The following DNM3 variants were observed in gnomAD, a reference collection of about 807,000 sequenced individuals.
DNM3 encodes dynamin-3.
DNM3 carries 47 observed loss-of-function variants against 101.6 expected under a neutral mutation model. That is an observed-to-expected ratio of 0.46 (90% confidence interval 0.37 to 0.59). DNM3 has a LOEUF of 0.59. Ranked by LOEUF, DNM3 falls within the 20% of genes least tolerant of loss-of-function variation. The pLI is 0.00. For synonymous variants in DNM3, 385 were observed against 387.9 expected, an observed-to-expected ratio of 0.99 and a Z score of 0.09; for missense variants, 849 against 1,085.7, an observed-to-expected ratio of 0.78 and a Z score of 3.06.
rs183058013 is a variant in DNM3, at chr1:172,186,167, G to A, written c.1659+54879G>A. ...GACAGAACATCTTTTGGGTGCTTAG[G>A]GACCAAAAGGGAGTGAGGACTTCAG... On this transcript the variant is annotated intron_variant, in intron 14 of 20. Transcript: ENST00000627582. Among the ~76,000 whole-genome samples, 227 of 152,142 alleles carry A rather than the reference G, an allele frequency of 1.5e-3. 2 individuals carry two copies. In the Middle Eastern group the frequency reaches 0.02, roughly 14 times the overall value.
chr1:172,257,403 T>A (rs1557891250), intron 15 of DNM3, among the ~76,000 whole-genome samples: 1 of 152,262 alleles, frequency 6.6e-6, no homozygotes, highest in East Asian at 1.9e-4. Context: ...GCCTGCCAAT[T>A]TTTGCTTGAG....
At chr1:172,212,632 C>T (rs542399524) in intron 14 of DNM3, among the ~76,000 whole-genome samples, 4 of 152,252 alleles carry the variant, frequency 2.6e-5, no homozygotes, top group Non-Finnish European at 5.9e-5. Context: ...CCAAACCTTT[C>T]GCTTTGTATT....
intron 10 of DNM3, among the ~76,000 whole-genome samples, chr1:172,049,936 A>C (rs2050089448): frequency 6.6e-6 from 1 of 152,128 alleles, no homozygotes; most frequent in Admixed American, 6.5e-5. Context: ...AAAGCAGTAA[A>C]TGGAACTAGC....
At chr1:172,326,179 T>A (rs527390596) in intron 17 of DNM3, among the ~76,000 whole-genome samples, 2 of 152,310 alleles carry the variant, frequency 1.3e-5, no homozygotes, top group South Asian at 4.1e-4. Context: ...CACAATCATA[T>A]GTATGTTGTT....
At chr1:171,989,800 C>A (rs1299866819) in intron 4 of DNM3, among the ~76,000 whole-genome samples, 1 of 152,138 alleles carries the variant, frequency 6.6e-6, no homozygotes, top group Non-Finnish European at 1.5e-5. Context: ...TGTGGAAGGG[C>A]ATTCAATGAT....
intron 14 of DNM3, among the ~76,000 whole-genome samples, chr1:172,181,264 C>CA (rs1172432245): frequency 6.6e-6 from 1 of 152,030 alleles, no homozygotes; most frequent in Non-Finnish European, 1.5e-5. Context: ...AATCTGTTGA[C>CA]ACGCCCTTCA....
intron 1 of DNM3, among the ~76,000 whole-genome samples, chr1:171,883,089 A>G (rs887263444): frequency 1.3e-5 from 2 of 151,830 alleles, no homozygotes; most frequent in Non-Finnish European, 2.9e-5. Context: ...GTATTTTTCC[A>G]TCTCATTAAA....
In DNM3 at chr1:172,388,829, T is replaced by C. The variant is rs1225673770; in HGVS notation, c.2522+20T>C. 4 of 1,542,388 alleles carry C rather than the reference T, an allele frequency of 2.6e-6. No individual in the cohort carries two copies. The highest frequency in any genetic ancestry group is 1.7e-4 in the Middle Eastern group (1 of 5,964). Reference sequence around the variant, plus strand: ...CCCAAGGTAAGGCATGGAGCAGAAATTGGGGGGGTAGTGCGCCTTGGTTCT... The same window carrying C: ...CCCAAGGTAAGGCATGGAGCAGAAACTGGGGGGGTAGTGCGCCTTGGTTCT... On this transcript the variant is annotated intron_variant, in intron 20 of 20. Transcript: ENST00000627582.
intron 14 of DNM3, among the ~76,000 whole-genome samples, chr1:172,135,842 C>T (rs1203681432): frequency 6.6e-6 from 1 of 151,332 alleles, no homozygotes; most frequent in East Asian, 1.9e-4. Flanking sequence ...GAGAAAAGAG[C>T]CTTATTTTTC....
At chr1:172,214,801 G>A (rs1193722118) in intron 14 of DNM3, among the ~76,000 whole-genome samples, 1 of 152,018 alleles carries the variant, frequency 6.6e-6, no homozygotes, top group African/African-American at 2.4e-5. Context: ...CTGAGAGAAT[G>A]AGAAAATACC....
chr1:172,090,085 T>C (rs1327519388), intron 12 of DNM3, among the ~76,000 whole-genome samples: 1 of 152,212 alleles, frequency 6.6e-6, no homozygotes, highest in African/African-American at 2.4e-5. Flanking sequence ...TGAAGGGGAC[T>C]GATACATAAT....
chr1:172,219,503 G>A (rs192230102), intron 14 of DNM3, among the ~76,000 whole-genome samples: 3 of 151,622 alleles, frequency 2.0e-5, no homozygotes, highest in Admixed American at 6.6e-5. Flanking sequence ...TATATACAGA[G>A]AAGACAGTGA....
intron 1 of DNM3, among the ~76,000 whole-genome samples, chr1:171,853,870 A>C (rs536581035): frequency 1.1e-3 from 170 of 152,150 alleles, no homozygotes; most frequent in African/African-American, 3.9e-3. Flanking sequence ...CCCCTTTAAA[A>C]ATCTCTACTT....
At chr1:172,273,234 G>A (rs2063150993) in intron 15 of DNM3, among the ~76,000 whole-genome samples, 1 of 151,976 alleles carries the variant, frequency 6.6e-6, no homozygotes, top group Admixed American at 6.6e-5. Flanking sequence ...ACTCTGACAT[G>A]TCAGTCTTAT....
At chr1:171,845,008 AGG>A (rs1376981902) in intron 1 of DNM3, among the ~76,000 whole-genome samples, 1 of 152,198 alleles carries the variant, frequency 6.6e-6, no homozygotes, top group Non-Finnish European at 1.5e-5. Context: ...CCAAAGAGGT[AGG>A]TACTCTTATG....
intron 14 of DNM3, among the ~76,000 whole-genome samples, chr1:172,207,668 GT>G (rs1333187547): frequency 6.6e-6 from 1 of 151,908 alleles, no homozygotes; most frequent in Non-Finnish European, 1.5e-5. Context: ...TTGTTTCTTT[GT>G]TTTTATGTGT....
At chr1:172,083,443 A>G (rs973049020) in intron 12 of DNM3, among the ~76,000 whole-genome samples, 1 of 152,238 alleles carries the variant, frequency 6.6e-6, no homozygotes, top group Non-Finnish European at 1.5e-5. Flanking sequence ...TGAGACATTT[A>G]AAATAATAGG....
chr1:171,984,391 C>T (rs915534255), intron 2 of DNM3, among the ~76,000 whole-genome samples: 8 of 152,098 alleles, frequency 5.3e-5, no homozygotes, highest in African/African-American at 1.7e-4. Flanking sequence ...TTGTTTCCCA[C>T]CTCCCTCCCC....
chr1:172,119,770 C>T (rs1339655190), intron 13 of DNM3, among the ~76,000 whole-genome samples: 1 of 152,130 alleles, frequency 6.6e-6, no homozygotes. Context: ...AAACATAGTC[C>T]TCCTACTCTC....
Sources: gnomAD v4.1 joint callset for allele counts (sites outside exome capture counted in the v4.1 genomes callset) on GRCh38, gnomAD v4.1.1 for gene constraint, MANE v1.5 for transcripts, NCBI Gene and HGNC (gene_info 2026-07-23, HGNC 2026-07-21) for gene names.